SRRM4: variants seen among roughly 807,000 people sequenced by gnomAD.
SRRM4 encodes serine/arginine repetitive matrix 4.
SRRM4 carries 33 observed loss-of-function variants against 68.9 expected under a neutral mutation model. The ratio of observed to expected loss-of-function variants is 0.48; its 90% CI spans 0.36 to 0.64. The LOEUF is 0.64. Among genes scored for constraint, SRRM4 ranks in the 30% least tolerant of loss-of-function variants. SRRM4 has a pLI of 0.00. For missense variants in SRRM4, 817 were observed against 827.1 expected, an observed-to-expected ratio of 0.99 and a Z score of 0.15; for synonymous variants, 318 against 318.8, an observed-to-expected ratio of 1.00 and a Z score of 0.03.
chr12:119,106,683 T>G (rs1954109741), intron 2 of SRRM4, among the ~76,000 whole-genome samples: 1 of 152,248 alleles, frequency 6.6e-6, no homozygotes, highest in African/African-American at 2.4e-5. Flanking sequence ...TTGCTAAAGT[T>G]GCTTATCAGC....
At chr12:118,994,747 G>A (rs1009349717) in intron 1 of SRRM4, among the ~76,000 whole-genome samples, 14 of 152,176 alleles carry the variant, frequency 9.2e-5, no homozygotes, top group African/African-American at 3.4e-4. Context: ...TCTGTAATAT[G>A]GGGCCAAAAA....
chr12:119,110,944 A>G (rs1308982527), intron 2 of SRRM4, among the ~76,000 whole-genome samples: 1 of 152,136 alleles, frequency 6.6e-6, no homozygotes, highest in African/African-American at 2.4e-5. Flanking sequence ...CTATTCGGCC[A>G]CCTTGGAACC....
At chr12:119,143,452 G>A (rs536707935) in intron 8 of SRRM4, among the ~76,000 whole-genome samples, 16 of 152,296 alleles carry the variant, frequency 1.1e-4, no homozygotes, top group Admixed American at 2.0e-4. Context: ...AACTTAATAT[G>A]TTCTCTTATC....
intron 1 of SRRM4, among the ~76,000 whole-genome samples, chr12:118,995,656 G>C (rs1487091457): frequency 6.6e-6 from 1 of 152,220 alleles, no homozygotes; most frequent in Non-Finnish European, 1.5e-5. Context: ...TCTTGAGTGA[G>C]AAATTTGGGA....
intron 2 of SRRM4, among the ~76,000 whole-genome samples, chr12:119,102,807 G>T (rs574134488): frequency 1.3e-5 from 2 of 152,156 alleles, no homozygotes; most frequent in South Asian, 4.1e-4. Flanking sequence ...GGAGTTTCAG[G>T]TCTCTGCATG....
chr12:119,040,971 G>T (rs761814237), intron 1 of SRRM4, among the ~76,000 whole-genome samples: 1 of 151,846 alleles, frequency 6.6e-6, no homozygotes, highest in Non-Finnish European at 1.5e-5. Flanking sequence ...TGGCCAGGCC[G>T]GTCTTGAACT....
At chr12:119,044,938 C>T (rs1429976714) in intron 1 of SRRM4, among the ~76,000 whole-genome samples, 6 of 152,140 alleles carry the variant, frequency 3.9e-5, no homozygotes, top group African/African-American at 1.4e-4. Flanking sequence ...ACTGAGTGAC[C>T]TTGAACAAGT....
At chr12:119,073,947 C>G (rs1340810094) in intron 1 of SRRM4, among the ~76,000 whole-genome samples, 1 of 152,144 alleles carries the variant, frequency 6.6e-6, no homozygotes, top group Non-Finnish European at 1.5e-5. Flanking sequence ...CTCTACTTCT[C>G]ATCTGAAAAC....
intron 1 of SRRM4, among the ~76,000 whole-genome samples, chr12:119,034,952 T>TAAATA (rs1953617332): frequency 6.6e-6 from 1 of 152,202 alleles, no homozygotes; most frequent in African/African-American, 2.4e-5. Flanking sequence ...ACAATTACGG[T>TAAATA]CATAACCAAT....
intron 1 of SRRM4, among the ~76,000 whole-genome samples, chr12:119,039,952 C>G (rs975079357): frequency 6.6e-6 from 1 of 152,152 alleles, no homozygotes; most frequent in African/African-American, 2.4e-5. Context: ...CCTGTCCCAA[C>G]TATTTCCATT....
intron 1 of SRRM4, among the ~76,000 whole-genome samples, chr12:118,994,492 T>G (rs1953337177): frequency 6.6e-6 from 1 of 152,178 alleles, no homozygotes; most frequent in Non-Finnish European, 1.5e-5. Context: ...CCTTTTGCCT[T>G]TCCTCTCACT....
rs924230006 is a variant in SRRM4 at position 119,002,236 on chromosome 12, A to AT, written c.131+20231dup. Among the ~76,000 whole-genome samples, 87 of 151,760 alleles carry AT rather than the reference A, an allele frequency of 5.7e-4. 1 individual carries two copies. Among genetic ancestry groups the AT allele is most frequent in the African/African-American group, 1.9e-3 (80 of 41,368 alleles). ...AAAGAAAAGAAGCAAAAAAAAAAAA[A>AT]TTTTTTTTCAAGTTTCTCTTTGATC... On this transcript the variant is annotated intron_variant, in intron 1 of 12. Coordinates refer to ENST00000267260, the MANE Select transcript of SRRM4 (RefSeq NM_194286.4).
At chr12:119,055,836 T>C (rs1953772646) in intron 1 of SRRM4, among the ~76,000 whole-genome samples, 1 of 152,214 alleles carries the variant, frequency 6.6e-6, no homozygotes, top group African/African-American at 2.4e-5. Context: ...CATAAAGTTG[T>C]TGGGAGGATA....
chr12:119,102,214 G>T lies in SRRM4; in HGVS notation c.132-22G>T, dbSNP rs538672399. 6 of 1,598,284 alleles carry T rather than the reference G, an allele frequency of 3.8e-6. No individual in the cohort carries two copies. In the Admixed American group the frequency reaches 1.1e-4, roughly 28 times the overall value. On this transcript the variant is annotated intron_variant, in intron 1 of 12. Coordinates refer to ENST00000267260, the MANE Select transcript of SRRM4 (RefSeq NM_194286.4). The stretch of plus-strand genomic sequence containing the variant: ...TCTCTGTATATTCTAACACTTTTGT[G>T]TCCTTATTTCTTCTTCTGTAGGACA...
chr12:119,081,351 G>A (rs1451301696), intron 1 of SRRM4, among the ~76,000 whole-genome samples: 2 of 152,194 alleles, frequency 1.3e-5, no homozygotes, highest in African/African-American at 2.4e-5. Flanking sequence ...TTTGAGCAAA[G>A]ACTTGAAGAA....
chr12:119,098,810 T>C (rs1565907651), intron 1 of SRRM4, among the ~76,000 whole-genome samples: 1 of 152,208 alleles, frequency 6.6e-6, no homozygotes, highest in Non-Finnish European at 1.5e-5. Context: ...TTCTCACATT[T>C]AGCCAGCAGT....
intron 8 of SRRM4, among the ~76,000 whole-genome samples, chr12:119,136,514 G>A (rs12307765): frequency 0.11 from 17,410 of 151,586 alleles, 1,117 homozygotes; most frequent in Middle Eastern, 0.19. Flanking sequence ...AAGTGACATA[G>A]CATTGTCAAC....
chr12:119,070,528 G>A (rs965970135), intron 1 of SRRM4, among the ~76,000 whole-genome samples: 1 of 152,152 alleles, frequency 6.6e-6, no homozygotes, highest in South Asian at 2.1e-4. Context: ...ACCCCCTGCC[G>A]CACACAGAAG....
chr12:119,102,568 A>G (rs969561932), intron 2 of SRRM4, among the ~76,000 whole-genome samples, 186 bp downstream of exon 2: 2 of 152,206 alleles, frequency 1.3e-5, no homozygotes, highest in Non-Finnish European at 2.9e-5. Context: ...TTCTGTCACA[A>G]CTACTCAACT....
Sources: gnomAD v4.1 joint callset for allele counts (sites outside exome capture counted in the v4.1 genomes callset) on GRCh38, gnomAD v4.1.1 for gene constraint, MANE v1.5 for transcripts, NCBI Gene and HGNC (gene_info 2026-07-23, HGNC 2026-07-21) for gene names.